CNTN5: variants seen among roughly 807,000 people sequenced by gnomAD.
CNTN5 encodes contactin-5.
CNTN5 carries 77 observed loss-of-function variants against 129.1 expected under a neutral mutation model. The ratio of observed to expected loss-of-function variants is 0.60; its 90% CI spans 0.50 to 0.72. CNTN5 has a LOEUF of 0.72. Ranked by LOEUF, CNTN5 falls within the 30% of genes least tolerant of loss-of-function variation. The pLI, the probability that CNTN5 is intolerant of heterozygous loss-of-function variation, is 0.00. For missense variants in CNTN5, 1,478 were observed against 1,328.8 expected (o/e 1.11, Z -1.75); for synonymous variants, 509 against 465.6 (o/e 1.09, Z -1.20).
chr11:99,838,765 A>C (rs1023345726), intron 4 of CNTN5, among the ~76,000 whole-genome samples: 2 of 152,178 alleles, frequency 1.3e-5, no homozygotes, highest in South Asian at 2.1e-4. Context: ...GCCTGAAAAA[A>C]TTTCCTTTGG....
intron 3 of CNTN5, among the ~76,000 whole-genome samples, chr11:99,641,599 A>C (rs1046644924): frequency 1.3e-5 from 2 of 152,140 alleles, no homozygotes; most frequent in African/African-American, 4.8e-5. Flanking sequence ...CTACATCATT[A>C]TCTGGAATCT....
intron 3 of CNTN5, among the ~76,000 whole-genome samples, chr11:99,715,888 C>A (rs941671337): frequency 4.0e-5 from 6 of 151,650 alleles, no homozygotes; most frequent in Admixed American, 1.3e-4. Context: ...AATGACAGAA[C>A]CATTGATTTC....
At chr11:99,652,792 G>T (rs997826328) in intron 3 of CNTN5, among the ~76,000 whole-genome samples, 21 of 152,016 alleles carry the variant, frequency 1.4e-4, no homozygotes, top group African/African-American at 5.1e-4. Context: ...ACAACTCACT[G>T]AAGGTGTTCA....
chr11:99,918,920 G>C (rs915990157), intron 7 of CNTN5, among the ~76,000 whole-genome samples: 2 of 151,984 alleles, frequency 1.3e-5, no homozygotes, highest in African/African-American at 4.8e-5. Flanking sequence ...AGCTTTTCCT[G>C]CTGAAACCGC....
chr11:99,340,967 T>C (rs946851059), intron 2 of CNTN5, among the ~76,000 whole-genome samples: 1 of 152,156 alleles, frequency 6.6e-6, no homozygotes, highest in African/African-American at 2.4e-5. Flanking sequence ...CTCCCCCATT[T>C]TGAACTGCCT....
intron 9 of CNTN5, among the ~76,000 whole-genome samples, chr11:100,002,814 T>C (rs11222291): frequency 0.38 from 57,347 of 151,900 alleles, 12,317 homozygotes; most frequent in African/African-American, 0.59. Context: ...ATTTGATTAT[T>C]GTATTATGAT....
In CNTN5 at chr11:99,058,102, G is replaced by A. The variant is rs77665705; in HGVS notation, c.-210+36832G>A. 8.7e-3 allele frequency among the ~76,000 whole-genome samples: 1,329 copies of A among 151,936 alleles called. 19 individuals are homozygous for A. The highest frequency in any genetic ancestry group is 0.029 in the African/African-American group (1,193 of 41,472). ...GGTTTGGGGTAATTGAAGGGATGACGACAGAAAGAAAATTCGGAAGTTACT... is the reference window on the plus strand; with the variant it reads ...GGTTTGGGGTAATTGAAGGGATGACAACAGAAAGAAAATTCGGAAGTTACT... On this transcript the variant is annotated intron_variant, in intron 1 of 24. Coordinates refer to ENST00000524871, the MANE Select transcript of CNTN5 (RefSeq NM_014361.4).
At chr11:99,103,439 A>G (rs545888713) in intron 1 of CNTN5, among the ~76,000 whole-genome samples, 1 of 152,018 alleles carries the variant, frequency 6.6e-6, no homozygotes, top group Non-Finnish European at 1.5e-5. Flanking sequence ...TATCTTTATT[A>G]TTTTCATCCT....
Position 99,409,802 on chromosome 11 carries a change from A to G in CNTN5, c.-71+84318A>G, listed in dbSNP as rs559221245. ...GGCAAAATGACCTAATAATTGAACC[A>G]AAAATTGAAGTTAATTTGTAAGAAT... On this transcript the variant is annotated intron_variant, in intron 2 of 24. Coordinates refer to ENST00000524871, the MANE Select transcript of CNTN5 (RefSeq NM_014361.4). Among the ~76,000 whole-genome samples, 4 of 152,382 alleles carry G rather than the reference A, an allele frequency of 2.6e-5. No homozygotes were observed. In the South Asian group the frequency reaches 8.3e-4, roughly 32 times the overall value.
intron 2 of CNTN5, among the ~76,000 whole-genome samples, chr11:99,493,626 A>AT (rs1946117327): frequency 6.6e-6 from 1 of 152,230 alleles, no homozygotes; most frequent in East Asian, 1.9e-4. Context: ...AAAAAAACAA[A>AT]TACATATATA....
intron 16 of CNTN5, among the ~76,000 whole-genome samples, chr11:100,228,795 G>C (rs1591414151): frequency 6.6e-6 from 1 of 152,256 alleles, no homozygotes; most frequent in Middle Eastern, 3.4e-3. Context: ...TTTGGAATTA[G>C]GGTGAGGTGT....
chr11:99,811,606 G>C (rs1192287896), intron 3 of CNTN5, among the ~76,000 whole-genome samples: 16 of 151,832 alleles, frequency 1.1e-4, no homozygotes, highest in African/African-American at 3.9e-4. Flanking sequence ...AGGACTGAAA[G>C]TGGTGGCAAT....
intron 13 of CNTN5, among the ~76,000 whole-genome samples, chr11:100,131,120 G>A (rs949598327): frequency 4.6e-5 from 7 of 151,784 alleles, no homozygotes; most frequent in Admixed American, 2.0e-4. Flanking sequence ...GGAGTTATCT[G>A]ATCTTATTTA....
chr11:99,730,281 G>A (rs1943487077), intron 3 of CNTN5, among the ~76,000 whole-genome samples: 3 of 152,198 alleles, frequency 2.0e-5, no homozygotes, highest in Admixed American at 2.0e-4. Flanking sequence ...TTCTCTAGAA[G>A]AAAGGGTGTG....
At chr11:100,321,572 C>T (rs932407840) in intron 21 of CNTN5, among the ~76,000 whole-genome samples, 2 of 152,228 alleles carry the variant, frequency 1.3e-5, no homozygotes, top group South Asian at 4.2e-4. Flanking sequence ...CTGGCTAGGA[C>T]TTCCAGTACT....
intron 15 of CNTN5, among the ~76,000 whole-genome samples, chr11:100,211,321 C>T (rs17094625): frequency 0.031 from 4,683 of 152,160 alleles, 231 homozygotes; most frequent in African/African-American, 0.11. Flanking sequence ...AGGACAACAT[C>T]GTAGCAGCTT....
At chr11:100,034,153 A>AT (rs1941863154) in intron 9 of CNTN5, among the ~76,000 whole-genome samples, 1 of 152,160 alleles carries the variant, frequency 6.6e-6, no homozygotes. Flanking sequence ...GCTCACTCTC[A>AT]AGTTTTTAAC....
intron 1 of CNTN5, among the ~76,000 whole-genome samples, chr11:99,170,148 G>GTA (rs2135537752): frequency 6.6e-6 from 1 of 152,052 alleles, no homozygotes; most frequent in South Asian, 2.1e-4. Context: ...AATATTTTGT[G>GTA]TATATATGGC....
At chr11:99,598,256 T>C (rs1263941144) in intron 3 of CNTN5, among the ~76,000 whole-genome samples, 1 of 93,484 alleles carries the variant, frequency 1.1e-5, no homozygotes, top group African/African-American at 4.5e-5. Context: ...TTTCTTAGCT[T>C]TCCTTTTCTT....
Sources: allele counts gnomAD v4.1 joint callset (sites outside exome capture counted in the v4.1 genomes callset), GRCh38; gene constraint gnomAD v4.1.1; transcripts MANE v1.5; gene names NCBI Gene and HGNC (gene_info 2026-07-23, HGNC 2026-07-21).